ARHGAP23: variants seen among roughly 807,000 people sequenced by gnomAD.
The protein encoded by ARHGAP23 is Rho GTPase activating protein 23.
In ARHGAP23, 34 loss-of-function variants were observed where a neutral mutation model predicts 136.3. The observed-to-expected ratio is 0.25, with a 90% confidence interval of 0.19 to 0.33. The LOEUF is 0.33. ARHGAP23 is among the 10% of genes least tolerant of loss of function. The probability of loss-of-function intolerance (pLI) is 1.00; values close to 1 mark genes in which losing one functional copy is unlikely to be tolerated. For missense variants in ARHGAP23, 1,808 were observed against 2,139.0 expected, an observed-to-expected ratio of 0.85 and a Z score of 3.05; for synonymous variants, 832 against 920.5, an observed-to-expected ratio of 0.90 and a Z score of 1.74.
Position 38,462,855 on chromosome 17 carries a change from C to G in ARHGAP23, c.263C>G (p.Pro88Arg), listed in dbSNP as rs978528430. 6.2e-5 allele frequency: 94 copies of G among 1,520,896 alleles called. No individual in the cohort carries two copies. The highest frequency in any genetic ancestry group is 7.9e-5 in the Non-Finnish European group (90 of 1,136,474). The allele number at this position is 1,520,896 out of a possible 1,614,324, so 94.2% of individuals were successfully genotyped here. The change falls in exon 4 of 24, where the codon CCC (proline) becomes CGC (arginine). Residue 88 changes from proline (P) to arginine (R), a missense_variant. By Grantham distance (103) the Pro-to-Arg change is moderately radical (BLOSUM62 -2). Coordinates refer to ENST00000622683, the MANE Select transcript of ARHGAP23 (RefSeq NM_001199417.2). ...GGCTGATGCCCACTAGGACCCTCCC[C>G]CCGGTACCGCCTGGAGCCCATGGAC... ...ENGGRGGGPS[P>R]RYRLEPMDTI...
At chr17:38,480,558 T>C (rs2040012396) in intron 14 of ARHGAP23, among the ~76,000 whole-genome samples, 1 of 151,548 alleles carries the variant, frequency 6.6e-6, no homozygotes, top group Non-Finnish European at 1.5e-5. Flanking sequence ...GGCATGAACC[T>C]GGGAGGCGGA....
Position 38,473,523 on chromosome 17 carries a change from G to T in ARHGAP23, c.2118+1517G>T, listed in dbSNP as rs73302623. On this transcript the variant is annotated intron_variant, in intron 11 of 23. Transcript: ENST00000622683. ...TCCTCTGTGGAGAATGACTAAGGCC[G>T]CCCTGCTCGGGAGCCTCCGTGGAGG... 2.8e-3 allele frequency among the ~76,000 whole-genome samples: 425 copies of T among 152,072 alleles called. 1 individual carries two copies. Among genetic ancestry groups the T allele is most frequent in the African/African-American group, 9.6e-3 (400 of 41,552 alleles).
rs1457062281 is a variant in ARHGAP23 at position 38,420,447 on chromosome 17, T to G, written n.120+1048T>G. ...CCAAGTTCTTTGGGGCTGTTCTGCC[T>G]AAAGCAGTGGCTGGGGGCCCTGGCT... On this transcript the variant is annotated intron_variant and non_coding_transcript_variant, in intron 1 of 4. Coordinates refer to the ARHGAP23 transcript ENST00000633445. 3.3e-5 allele frequency among the ~76,000 whole-genome samples: 5 copies of G among 152,332 alleles called. No individual in the cohort carries two copies. The East Asian group carries it at 9.7e-4, about 29-fold the overall frequency.
chr17:38,490,264 C>A (rs533310149), intron 18 of ARHGAP23, 89 bp downstream of exon 18: 10 of 1,360,532 alleles, frequency 7.4e-6, no homozygotes, highest in Non-Finnish European at 1.0e-5. Flanking sequence ...GTGCTGCCCA[C>A]GACCCCTGTG....
rs559547801 is a variant in ARHGAP23, at chr17:38,511,245, G to A, written c.*273G>A. 4.4e-5 allele frequency: 18 copies of A among 406,854 alleles called. No individual in the cohort carries two copies. The highest frequency in any genetic ancestry group is 6.5e-5 in the Non-Finnish European group (15 of 231,874). The allele number at this position is 406,854 out of a possible 1,614,324, so 25.2% of individuals were successfully genotyped here. On this transcript the variant is annotated 3_prime_UTR_variant, in exon 24 of 24. Coordinates refer to ENST00000622683, the MANE Select transcript of ARHGAP23 (RefSeq NM_001199417.2). ...GGGGTCTGTGTCCCTGCACACATGCGCCCGATAGGTCCTTCTGAGCCTTTC... is the reference window on the plus strand; with the variant it reads ...GGGGTCTGTGTCCCTGCACACATGCACCCGATAGGTCCTTCTGAGCCTTTC...
intron 6 of ARHGAP23, among the ~76,000 whole-genome samples, chr17:38,465,707 C>T (rs1370960082): frequency 3.9e-5 from 6 of 152,270 alleles, no homozygotes; most frequent in Admixed American, 3.3e-4. Flanking sequence ...GACAGCTGGG[C>T]TCTGCCAGCC....
intron 11 of ARHGAP23, among the ~76,000 whole-genome samples, chr17:38,475,959 A>G (rs1390783948): frequency 6.6e-6 from 1 of 152,098 alleles, no homozygotes; most frequent in Non-Finnish European, 1.5e-5. Flanking sequence ...GAAGTGAGGG[A>G]GGGGGCTTAG....
chr17:38,446,003 A>G (rs2039023081), intron 1 of ARHGAP23, among the ~76,000 whole-genome samples: 1 of 138,582 alleles, frequency 7.2e-6, no homozygotes, highest in South Asian at 2.4e-4. Flanking sequence ...ACATTGTAGC[A>G]TGTGTCAAAT....
rs537584858 is a variant in ARHGAP23, at chr17:38,461,041, T to A, written c.253+109T>A. ...TGTCCTTTTCTGTGCCCCCCTCCCT[T>A]GACTCCTGTTCCTGCCTTTGCTCCT... On this transcript the variant is annotated intron_variant, in intron 3 of 23. Transcript: ENST00000622683. The A allele has an allele frequency of 1.3e-5, 19 of 1,476,146 alleles. No individual in the cohort carries two copies. In the Admixed American group the frequency reaches 2.6e-4, roughly 20 times the overall value. 91.4% of individuals were successfully genotyped at this position (1,476,146 alleles called of 1,614,324 possible). A position where few individuals can be genotyped will look rare whatever the true frequency, so the allele number is the denominator to read the frequency against.
At chr17:38,437,208 A>ATTT (rs11384705) in intron 1 of ARHGAP23, among the ~76,000 whole-genome samples, 17 of 144,230 alleles carry the variant, frequency 1.2e-4, no homozygotes, top group African/African-American at 2.8e-4. Context: ...TGACGCCAGG[A>ATTT]TTTTTTTTTT....
At chr17:38,490,214 A>G (rs1270401803) in intron 18 of ARHGAP23, 39 bp downstream of exon 18, 1 of 1,534,394 alleles carries the variant, frequency 6.5e-7, no homozygotes, top group Admixed American at 2.0e-5. Context: ...GAGGTGGGGC[A>G]GCTGCCTGAG....
In ARHGAP23 at chr17:38,510,564, G is replaced by GC; in HGVS notation, c.4073dup (p.Ala1359GlyfsTer58). The GC allele has an allele frequency of 8.1e-7, 1 of 1,233,522 alleles. No individual in the cohort carries two copies. Among genetic ancestry groups the GC allele is most frequent in the Admixed American group, 3.8e-5 (1 of 26,034 alleles). 76.4% of individuals were successfully genotyped at this position (1,233,522 alleles called of 1,614,324 possible). On this transcript the variant is annotated frameshift_variant, in exon 24 of 24. Coordinates refer to ENST00000622683, the MANE Select transcript of ARHGAP23 (RefSeq NM_001199417.2). LOFTEE classifies it high-confidence loss of function. The surrounding 1 kb of genome is among the most constrained non-coding windows in gnomAD (Gnocchi z 4.6). ...CGTCCAGCAGCCAGGAGTCGCTGCG[G>GC]CCCCCGGCGGCGGCGCTGGCCTCCC...
chr17:38,476,060 G>A (rs1310130464), intron 11 of ARHGAP23, among the ~76,000 whole-genome samples: 1 of 152,192 alleles, frequency 6.6e-6, no homozygotes, highest in Non-Finnish European at 1.5e-5. Flanking sequence ...TAGTGAGAAA[G>A]GTGTGAAGAT....
At chr17:38,437,608 C>T (rs1371680024) in intron 1 of ARHGAP23, among the ~76,000 whole-genome samples, 1 of 137,086 alleles carries the variant, frequency 7.3e-6, no homozygotes, top group South Asian at 2.3e-4. Flanking sequence ...CAGAGCAAGA[C>T]CCTACCCACC....
chr17:38,487,709 C>CA (rs1354166531), intron 17 of ARHGAP23, among the ~76,000 whole-genome samples: 2 of 151,830 alleles, frequency 1.3e-5, no homozygotes, highest in Non-Finnish European at 2.9e-5. Flanking sequence ...ACTAAAAATA[C>CA]AAAAATTAGC....
intron 1 of ARHGAP23, among the ~76,000 whole-genome samples, chr17:38,448,371 C>G (rs538253849): frequency 1.3e-5 from 2 of 152,290 alleles, no homozygotes; most frequent in Non-Finnish European, 2.9e-5. Flanking sequence ...GCCGTCGAAA[C>G]AGCCTGCATT....
upstream of ARHGAP23, chr17:38,428,390 C>CCA (rs1555574676): frequency 5.3e-5 from 24 of 453,804 alleles, no homozygotes; most frequent in Middle Eastern, 6.7e-4. Flanking sequence ...GGGGCCCCCC[C>CCA]ACACCGCGCT....
At chr17:38,492,258 G>A (rs1024266788) in intron 20 of ARHGAP23, among the ~76,000 whole-genome samples, 4 of 152,166 alleles carry the variant, frequency 2.6e-5, no homozygotes, top group Middle Eastern at 3.2e-3. Flanking sequence ...GTGTGCACAC[G>A]GATATCATTA....
upstream of ARHGAP23, among the ~76,000 whole-genome samples, chr17:38,423,616 G>A (rs2038541770): frequency 1.3e-5 from 2 of 151,964 alleles, no homozygotes; most frequent in Non-Finnish European, 2.9e-5. Flanking sequence ...CAAGTGATCT[G>A]CCCTCCTCAG....
Sources: allele counts gnomAD v4.1 joint callset (sites outside exome capture counted in the v4.1 genomes callset), GRCh38; gene constraint gnomAD v4.1.1; non-coding constraint Gnocchi (gnomAD v3.1); transcripts MANE v1.5; gene names NCBI Gene and HGNC (gene_info 2026-07-23, HGNC 2026-07-21).